The following CHST2 variants were observed in gnomAD, a reference collection of about 807,000 sequenced individuals.
CHST2 encodes the protein N-acetylglucosamine 6-O-sulfotransferase 1.
In CHST2, 23 loss-of-function variants were observed where a neutral mutation model predicts 34.6. That is an observed-to-expected ratio of 0.67 (90% confidence interval 0.48 to 0.94). The LOEUF (loss-of-function observed/expected upper bound fraction) is 0.94, where lower values mean the gene tolerates loss of function less well. Among genes scored for constraint, CHST2 ranks in the 40% least tolerant of loss-of-function variants. The pLI is 0.00. For missense variants in CHST2, 720 were observed against 759.5 expected (o/e 0.95, Z 0.61); for synonymous variants, 392 against 343.1 (o/e 1.14, Z -1.58).
Position 143,121,344 on chromosome 3 carries a change from C to T in CHST2, c.528C>T (p.Gly176=). Residue 176 remains glycine, a synonymous_variant, in exon 2 of 2, where the codon GGC becomes GGT. Coordinates refer to ENST00000309575, the MANE Select transcript of CHST2 (RefSeq NM_004267.5). ...LVYVFTTWRS[G]SSFFGELFNQ... Reference sequence around the variant, plus strand: ...ACGTGTTCACCACGTGGCGCTCTGGCTCGTCGTTCTTCGGCGAGCTATTCA... The same window carrying T: ...ACGTGTTCACCACGTGGCGCTCTGGTTCGTCGTTCTTCGGCGAGCTATTCA... The T allele has an allele frequency of 1.2e-6, 2 of 1,613,588 alleles. No homozygotes were observed. The highest frequency in any genetic ancestry group is 2.2e-5 in the East Asian group (1 of 44,862).
chr3:143,122,136 C>A lies in CHST2; in HGVS notation c.1320C>A (p.Tyr440Ter), dbSNP rs372342800. The change falls in exon 2 of 2, where the codon TAC becomes TAA. Residue 440 changes from tyrosine to a stop codon, truncating the protein, a stop_gained. Transcript: ENST00000309575. LOFTEE classifies it high-confidence loss of function. ...GDPVKTLRRV[Y>*]DFVGLLVSPE... is the part of the protein sequence containing the mutation. The stretch of plus-strand genomic sequence containing the variant: ...CCGTCAAGACACTACGGAGAGTGTA[C>A]GATTTTGTGGGACTGTTGGTGAGCC... 1 of 1,614,198 alleles carries A rather than the reference C, an allele frequency of 6.2e-7. No individual in the cohort carries two copies. Among genetic ancestry groups the A allele is most frequent in the Non-Finnish European group, 8.5e-7 (1 of 1,180,028 alleles).
At position 143,120,612 on chromosome 3, in the gene CHST2, G is replaced by C; in HGVS notation, c.-173-32G>C. 3.1e-6 allele frequency: 1 copy of C among 327,286 alleles called. No individual in the cohort carries two copies. Among genetic ancestry groups the C allele is most frequent in the Admixed American group, 5.1e-5 (1 of 19,722 alleles). 20.3% of individuals were successfully genotyped at this position (327,286 alleles called of 1,614,324 possible). A position where few individuals can be genotyped will look rare whatever the true frequency, so the allele number is the denominator to read the frequency against. The stretch of plus-strand genomic sequence containing the variant: ...AGGAGGAGGCTGGGAGGGAGATTGG[G>C]GCGCATCCGCTCACTCCGCTTCCCC... On this transcript the variant is annotated intron_variant, in intron 1 of 1. Coordinates refer to ENST00000309575, the MANE Select transcript of CHST2 (RefSeq NM_004267.5). The surrounding 1 kb of genome is among the most constrained non-coding windows in gnomAD (Gnocchi z 4.1).
Position 143,121,380 on chromosome 3 carries a change from C to G in CHST2, c.564C>G (p.Pro188=). 6.2e-7 allele frequency: 1 copy of G among 1,613,724 alleles called. No homozygotes were observed. Among genetic ancestry groups the G allele is most frequent in the Non-Finnish European group, 8.5e-7 (1 of 1,180,018 alleles). Reference sequence around the variant, plus strand: ...TCGGCGAGCTATTCAACCAGAATCCCGAGGTGTTCTTTCTCTACGAGCCAG... The same window carrying G: ...TCGGCGAGCTATTCAACCAGAATCCGGAGGTGTTCTTTCTCTACGAGCCAG... ...SFFGELFNQN[P]EVFFLYEPVW... is the part of the protein sequence containing the mutation. Residue 188 remains proline, a synonymous_variant, in exon 2 of 2, where the codon CCC becomes CCG. Coordinates refer to ENST00000309575, the MANE Select transcript of CHST2 (RefSeq NM_004267.5).
In CHST2 at chr3:143,122,115, C is replaced by T; in HGVS notation, c.1299C>T (p.Val433=). The change falls in exon 2 of 2, where the codon GTC becomes GTT. Residue 433 remains valine (V), a synonymous_variant. Coordinates refer to ENST00000309575, the MANE Select transcript of CHST2 (RefSeq NM_004267.5). ...VRYEDLVGDP[V]KTLRRVYDFV... is the part of the protein sequence containing the mutation. ...ACGAGGACCTGGTGGGAGACCCCGTCAAGACACTACGGAGAGTGTACGATT... is the reference window on the plus strand; with the variant it reads ...ACGAGGACCTGGTGGGAGACCCCGTTAAGACACTACGGAGAGTGTACGATT... The T allele has an allele frequency of 1.2e-6, 2 of 1,614,198 alleles. No individual in the cohort carries two copies. The highest frequency in any genetic ancestry group is 8.5e-7 in the Non-Finnish European group (1 of 1,180,014).
rs1936243122 is a variant in CHST2 at position 143,122,600 on chromosome 3, A to G, written c.*191A>G. ...ATTTCAAGGAACAGCCACAAAATACACACCCCTAAGAAAAGGCAAGACTTG... is the reference window on the plus strand; with the variant it reads ...ATTTCAAGGAACAGCCACAAAATACGCACCCCTAAGAAAAGGCAAGACTTG... On this transcript the variant is annotated 3_prime_UTR_variant, in exon 2 of 2. Transcript: ENST00000309575. 1 of 572,484 alleles carries G rather than the reference A, an allele frequency of 1.7e-6. No homozygotes were observed. Among genetic ancestry groups the G allele is most frequent in the African/African-American group, 1.9e-5 (1 of 51,670 alleles). The allele number at this position is 572,484 out of a possible 1,614,324, so 35.5% of individuals were successfully genotyped here.
In CHST2 at chr3:143,121,850, G is replaced by T; in HGVS notation, c.1034G>T (p.Arg345Leu). 2 of 1,585,542 alleles carry T rather than the reference G, an allele frequency of 1.3e-6. No individual in the cohort carries two copies. The highest frequency in any genetic ancestry group is 1.7e-6 in the Non-Finnish European group (2 of 1,161,888). ...RAVASSRIRSRHGLIRESLQV... is the reference protein window; with the variant it reads ...RAVASSRIRSLHGLIRESLQV... ...GTGGCGAGTTCACGGATCCGCTCGCGCCACGGCCTCATCCGTGAGAGCCTA... is the reference window on the plus strand; with the variant it reads ...GTGGCGAGTTCACGGATCCGCTCGCTCCACGGCCTCATCCGTGAGAGCCTA... The change falls in exon 2 of 2, where the codon CGC (arginine) becomes CTC (leucine). Residue 345 changes from arginine to leucine, a missense_variant. This residue lies in a region of CHST2 where 166 missense variants were observed against 211.4 expected (regional missense o/e 0.79). Transcript: ENST00000309575.
chr3:143,120,486 G>A lies in CHST2; in HGVS notation c.-229G>A. ...CGAAATCGAGGAACGAGTGACAGCC[G>A]GACAGTCCGCCGGGCGGTGATCCGG... On this transcript the variant is annotated 5_prime_UTR_variant, in exon 1 of 2. Coordinates refer to ENST00000309575, the MANE Select transcript of CHST2 (RefSeq NM_004267.5). This position sits in a 1 kb window ranked among gnomAD's most constrained non-coding sequence, Gnocchi z 4.1. 5.2e-6 allele frequency: 1 copy of A among 192,360 alleles called. No individual in the cohort carries two copies. The allele number at this position is 192,360 out of a possible 1,614,324, so 11.9% of individuals were successfully genotyped here. A position where few individuals can be genotyped will look rare whatever the true frequency, so the allele number is the denominator to read the frequency against.
Position 143,121,909 on chromosome 3 carries a change from C to T in CHST2, c.1093C>T (p.Arg365Cys). The change falls in exon 2 of 2, where the codon CGC becomes TGC. Residue 365 changes from arginine (R) to cysteine (C), a missense_variant. Arg to Cys is a radical substitution (Grantham distance 180, BLOSUM62 -3). Around this residue, in one of 4 missense-constraint regions of CHST2, gnomAD observed 224 missense variants for 227.8 expected, o/e 0.98. Coordinates refer to ENST00000309575, the MANE Select transcript of CHST2 (RefSeq NM_004267.5). ...VVRSRDPRAH[R>C]MPFLEAAGHK... ...GCGCAGCCGAGACCCGCGAGCTCACCGCATGCCCTTCTTGGAGGCCGCGGG... is the reference window on the plus strand; with the variant it reads ...GCGCAGCCGAGACCCGCGAGCTCACTGCATGCCCTTCTTGGAGGCCGCGGG... 1 of 1,578,434 alleles carries T rather than the reference C, an allele frequency of 6.3e-7. No individual in the cohort carries two copies. The highest frequency in any genetic ancestry group is 8.6e-7 in the Non-Finnish European group (1 of 1,161,058).
At position 143,122,791 on chromosome 3, in the gene CHST2, A is replaced by T; in HGVS notation, c.*382A>T. 1.2e-5 allele frequency: 2 copies of T among 173,592 alleles called. No homozygotes were observed. Among genetic ancestry groups the T allele is most frequent in the African/African-American group, 2.4e-5 (1 of 41,408 alleles). The allele number at this position is 173,592 out of a possible 1,614,324, so 10.8% of individuals were successfully genotyped here. On this transcript the variant is annotated 3_prime_UTR_variant, in exon 2 of 2. Coordinates refer to ENST00000309575, the MANE Select transcript of CHST2 (RefSeq NM_004267.5). ...CAAAATATTCGTGGTATCTGTGAACATGTTAAGAGTAATTTGGATGTGGGG... is the reference window on the plus strand; with the variant it reads ...CAAAATATTCGTGGTATCTGTGAACTTGTTAAGAGTAATTTGGATGTGGGG...
At position 143,120,630 on chromosome 3, in the gene CHST2, G is replaced by A. The variant is rs969307535; in HGVS notation, c.-173-14G>A. 5.4e-6 allele frequency: 2 copies of A among 373,700 alleles called. No individual in the cohort carries two copies. The highest frequency in any genetic ancestry group is 8.7e-6 in the Non-Finnish European group (2 of 228,822). 23.1% of individuals were successfully genotyped at this position (373,700 alleles called of 1,614,324 possible). A position where few individuals can be genotyped will look rare whatever the true frequency, so the allele number is the denominator to read the frequency against. On this transcript the variant is annotated splice_polypyrimidine_tract_variant and intron_variant, in intron 1 of 1. Coordinates refer to ENST00000309575, the MANE Select transcript of CHST2 (RefSeq NM_004267.5). This position sits in a 1 kb window ranked among gnomAD's most constrained non-coding sequence, Gnocchi z 4.1. ...AGATTGGGGCGCATCCGCTCACTCC[G>A]CTTCCCCTCGCAGGTCCTACCCGGA...
Position 143,120,927 on chromosome 3 carries a change from A to G in CHST2, c.111A>G (p.Pro37=). The G allele has an allele frequency of 2.0e-6, 3 of 1,519,102 alleles. No homozygotes were observed. The highest frequency in any genetic ancestry group is 1.2e-5 in the South Asian group (1 of 80,764). 94.1% of individuals were successfully genotyped at this position (1,519,102 alleles called of 1,614,324 possible). ...TGCTCCCGCAGTGGCCCCGGCGCCC[A>G]GGACGCCGCTGGCCCGCGTCCCCTC... ...RALLPQWPRR[P]GRRWPASPLG... is the part of the protein sequence containing the mutation. Residue 37 remains proline, a synonymous_variant, in exon 2 of 2, where the codon CCA becomes CCG. Coordinates refer to ENST00000309575, the MANE Select transcript of CHST2 (RefSeq NM_004267.5). This position sits in a 1 kb window ranked among gnomAD's most constrained non-coding sequence, Gnocchi z 4.1.
Position 143,122,475 on chromosome 3 carries a change from A to G in CHST2, c.*66A>G, listed in dbSNP as rs939522183. 3 of 1,417,894 alleles carry G rather than the reference A, an allele frequency of 2.1e-6. No homozygotes were observed. Among genetic ancestry groups the G allele is most frequent in the South Asian group, 2.9e-5 (2 of 67,840 alleles). The allele number at this position is 1,417,894 out of a possible 1,614,324, so 87.8% of individuals were successfully genotyped here. On this transcript the variant is annotated 3_prime_UTR_variant, in exon 2 of 2. Transcript: ENST00000309575. ...ATAAAGAGGATCGTAGTGTGTTTAA[A>G]TAAACACAGTCCAGACTCAAACGGA...
chr3:143,121,486 T>C lies in CHST2; in HGVS notation c.670T>C (p.Tyr224His). 11 of 1,612,770 alleles carry C rather than the reference T, an allele frequency of 6.8e-6. No individual in the cohort carries two copies. Among genetic ancestry groups the C allele is most frequent in the Non-Finnish European group, 9.3e-6 (11 of 1,179,560 alleles). ...GAARDMLSAL[Y>H]RCDLSVFQLY... Reference sequence around the variant, plus strand: ...AGCGCGGGACATGCTGAGCGCTCTTTACCGCTGCGACCTCTCTGTCTTCCA... The same window carrying C: ...AGCGCGGGACATGCTGAGCGCTCTTCACCGCTGCGACCTCTCTGTCTTCCA... The change falls in exon 2 of 2, where the codon TAC (tyrosine) becomes CAC (histidine). Residue 224 changes from tyrosine to histidine, a missense_variant. This residue lies in a region of CHST2 where 166 missense variants were observed against 211.4 expected (regional missense o/e 0.79). Coordinates refer to ENST00000309575, the MANE Select transcript of CHST2 (RefSeq NM_004267.5).
In CHST2 at chr3:143,120,987, G is replaced by A; in HGVS notation, c.171G>A (p.Val57=). 1 of 1,543,954 alleles carries A rather than the reference G, an allele frequency of 6.5e-7. No individual in the cohort carries two copies. The highest frequency in any genetic ancestry group is 8.7e-7 in the Non-Finnish European group (1 of 1,146,238). ...GMKVFRRKAL[V]LCAGYALLLV... Reference sequence around the variant, plus strand: ...AGGTGTTCCGTAGGAAGGCGCTGGTGTTGTGCGCGGGCTATGCACTGCTGC... The same window carrying A: ...AGGTGTTCCGTAGGAAGGCGCTGGTATTGTGCGCGGGCTATGCACTGCTGC... Residue 57 remains valine, a synonymous_variant, in exon 2 of 2, where the codon GTG becomes GTA. Coordinates refer to ENST00000309575, the MANE Select transcript of CHST2 (RefSeq NM_004267.5). The surrounding 1 kb of genome is among the most constrained non-coding windows in gnomAD (Gnocchi z 4.1).
chr3:143,120,232 C>T lies in CHST2; in HGVS notation c.-483C>T, dbSNP rs1936186454. The T allele has an allele frequency of 1.3e-5, 2 of 152,850 alleles. No homozygotes were observed. Among genetic ancestry groups the T allele is most frequent in the Admixed American group, 6.5e-5 (1 of 15,288 alleles). 9.5% of individuals were successfully genotyped at this position (152,850 alleles called of 1,614,324 possible). Reference sequence around the variant, plus strand: ...CCCAGCCATCGCCCCCAGCCGGCTTCGTTCCCCTGAGCGAGACAGGAAGCT... The same window carrying T: ...CCCAGCCATCGCCCCCAGCCGGCTTTGTTCCCCTGAGCGAGACAGGAAGCT... On this transcript the variant is annotated 5_prime_UTR_variant, in exon 1 of 2. Transcript: ENST00000309575. The surrounding 1 kb of genome is among the most constrained non-coding windows in gnomAD (Gnocchi z 4.1).
Position 143,121,844 on chromosome 3 carries a change from G to A in CHST2, c.1028G>A (p.Arg343His), listed in dbSNP as rs1420034101. ...CGCGCGGTGGCGAGTTCACGGATCC[G>A]CTCGCGCCACGGCCTCATCCGTGAG... ...DPRAVASSRIRSRHGLIRESL... is the reference protein window; with the variant it reads ...DPRAVASSRIHSRHGLIRESL... Residue 343 changes from arginine to histidine, a missense_variant, in exon 2 of 2, where the codon CGC (arginine) becomes CAC (histidine). This residue lies in a region of CHST2 where 166 missense variants were observed against 211.4 expected (regional missense o/e 0.79). Coordinates refer to ENST00000309575, the MANE Select transcript of CHST2 (RefSeq NM_004267.5). 1.3e-6 allele frequency: 2 copies of A among 1,587,474 alleles called. No individual in the cohort carries two copies. The highest frequency in any genetic ancestry group is 8.6e-7 in the Non-Finnish European group (1 of 1,162,906).
Position 143,120,103 on chromosome 3 carries a change from C to A in CHST2, c.-612C>A, listed in dbSNP as rs1031955299. ...GCCGCCGCTGCGGGGTCGCGCTGTGCCCCATCCACCGCTGCCAGAGAGGTG... is the reference window on the plus strand; with the variant it reads ...GCCGCCGCTGCGGGGTCGCGCTGTGACCCATCCACCGCTGCCAGAGAGGTG... On this transcript the variant is annotated 5_prime_UTR_variant, in exon 1 of 2. Coordinates refer to ENST00000309575, the MANE Select transcript of CHST2 (RefSeq NM_004267.5). This position sits in a 1 kb window ranked among gnomAD's most constrained non-coding sequence, Gnocchi z 4.1. The A allele has an allele frequency of 6.6e-6, 1 of 152,456 alleles. No homozygotes were observed. The allele number at this position is 152,456 out of a possible 1,614,324, so 9.4% of individuals were successfully genotyped here.
chr3:143,122,373 C>G lies in CHST2; in HGVS notation c.1557C>G (p.Asp519Glu), dbSNP rs541187614. ...ERVNSPEEVKDLSKTLLRKPR... is the reference protein window; with the variant it reads ...ERVNSPEEVKELSKTLLRKPR... ...TCAACAGCCCTGAGGAGGTCAAAGA[C>G]CTCAGCAAGACCCTGCTTCGGAAGC... Residue 519 changes from aspartate to glutamate, a missense_variant, in exon 2 of 2, where the codon GAC becomes GAG. By Grantham distance (45) the Asp-to-Glu change is conservative (BLOSUM62 2). This residue lies in a region of CHST2 where 224 missense variants were observed against 227.8 expected (regional missense o/e 0.98). Transcript: ENST00000309575. The G allele has an allele frequency of 6.2e-7, 1 of 1,610,800 alleles. No individual in the cohort carries two copies. Among genetic ancestry groups the G allele is most frequent in the South Asian group, 1.1e-5 (1 of 90,696 alleles).
In CHST2 at chr3:143,123,613, A is replaced by T. The variant is rs1936260912; in HGVS notation, c.*1204A>T. Reference sequence around the variant, plus strand: ...CCCTTTTCTTACTTGCTTCCCATTTAAATCAGTGCAAGAGAGAATATGAAT... The same window carrying T: ...CCCTTTTCTTACTTGCTTCCCATTTTAATCAGTGCAAGAGAGAATATGAAT... On this transcript the variant is annotated 3_prime_UTR_variant, in exon 2 of 2. Coordinates refer to ENST00000309575, the MANE Select transcript of CHST2 (RefSeq NM_004267.5). 1.3e-5 allele frequency: 2 copies of T among 152,208 alleles called. No individual in the cohort carries two copies. The highest frequency in any genetic ancestry group is 2.4e-5 in the African/African-American group (1 of 41,446). 9.4% of individuals were successfully genotyped at this position (152,208 alleles called of 1,614,324 possible). A position where few individuals can be genotyped will look rare whatever the true frequency, so the allele number is the denominator to read the frequency against.
Sources: allele counts gnomAD v4.1 joint callset, GRCh38; gene constraint gnomAD v4.1.1; regional missense constraint gnomAD v4.1.1; non-coding constraint Gnocchi (gnomAD v3.1); transcripts MANE v1.5; gene names NCBI Gene and HGNC (gene_info 2026-07-23, HGNC 2026-07-21).